The following TNRC18 variants were observed in gnomAD, a reference collection of about 807,000 sequenced individuals.
TNRC18 encodes trinucleotide repeat containing 18.
In TNRC18, 69 loss-of-function variants were observed where a neutral mutation model predicts 226.7. That is an observed-to-expected ratio of 0.30 (90% CI 0.25 to 0.37). The LOEUF is 0.37. Among genes scored for constraint, TNRC18 ranks in the 10% least tolerant of loss-of-function variants. TNRC18 has a pLI of 1.00. For missense variants in TNRC18, 4,754 were observed against 4,256.6 expected, an observed-to-expected ratio of 1.12 and a Z score of -3.25; for synonymous variants, 2,449 against 1,927.6, an observed-to-expected ratio of 1.27 and a Z score of -7.09.
At position 5,325,111 on chromosome 7, in the gene TNRC18, C is replaced by T. The variant is rs751511907; in HGVS notation, c.6285G>A (p.Lys2095=). The part of the protein sequence containing the change: ...AKRSKAKAKG[K]EVKKENRGKG... ...TGAGCCTCACCTCCTTCTTCACCTCCTTCCCTTTGGCCTTGGCTTTGCTCC... is the reference window on the plus strand; with the variant it reads ...TGAGCCTCACCTCCTTCTTCACCTCTTTCCCTTTGGCCTTGGCTTTGCTCC... Residue 2095 remains lysine (K), a synonymous_variant, in exon 20 of 30, where the codon AAG becomes AAA. Coordinates refer to ENST00000430969, the MANE Select transcript of TNRC18 (RefSeq NM_001080495.3). 9 of 1,550,320 alleles carry T rather than the reference C, an allele frequency of 5.8e-6. No homozygotes were observed. The highest frequency in any genetic ancestry group is 1.4e-5 in the African/African-American group (1 of 73,132).
intron 17 of TNRC18, among the ~76,000 whole-genome samples, chr7:5,350,114 G>T (rs1271069186): frequency 6.6e-6 from 1 of 152,146 alleles, no homozygotes; most frequent in African/African-American, 2.4e-5. Context: ...TCCAGCCCAT[G>T]GGGGAGATGG....
intron 18 of TNRC18, among the ~76,000 whole-genome samples, chr7:5,334,335 C>T (rs1292892321): frequency 6.6e-6 from 1 of 151,708 alleles, no homozygotes; most frequent in Non-Finnish European, 1.5e-5. Flanking sequence ...CTCGCTTTGT[C>T]GCCCAGGCTG....
rs1273948953 is a variant in TNRC18, at chr7:5,381,843, G to A, written c.2153-3819C>T. ...TAGCTGGGCACGGTGGCAGGTGCCT[G>A]TAATCCCAGCAACTCAGGAAGCTGA... On this transcript the variant is annotated intron_variant, in intron 5 of 29. Coordinates refer to ENST00000430969, the MANE Select transcript of TNRC18 (RefSeq NM_001080495.3). 2.6e-5 allele frequency among the ~76,000 whole-genome samples: 4 copies of A among 152,116 alleles called. No individual in the cohort carries two copies. The East Asian group carries it at 7.7e-4, about 29-fold the overall frequency.
chr7:5,336,439 G>A (rs548275693), intron 18 of TNRC18, among the ~76,000 whole-genome samples: 1 of 151,852 alleles, frequency 6.6e-6, no homozygotes, highest in Non-Finnish European at 1.5e-5. Context: ...AGAACCAAAT[G>A]AACCAATTGT....
chr7:5,393,453 C>G (rs748503279), intron 3 of TNRC18, among the ~76,000 whole-genome samples: 1 of 152,238 alleles, frequency 6.6e-6, no homozygotes, highest in Non-Finnish European at 1.5e-5. Context: ...CTGGGCTGAA[C>G]ACAGCAGCCG....
chr7:5,352,211 G>A (rs766779242), intron 16 of TNRC18, 117 bp from the exon 17 acceptor site: 15 of 1,095,018 alleles, frequency 1.4e-5, no homozygotes, highest in East Asian at 7.8e-5. Flanking sequence ...AAACAGGTCC[G>A]AATACCTAGT....
At chr7:5,403,990 A>G (rs914186208) in intron 2 of TNRC18, among the ~76,000 whole-genome samples, 6 of 152,194 alleles carry the variant, frequency 3.9e-5, no homozygotes, top group African/African-American at 1.4e-4. Flanking sequence ...AAACTCCCAT[A>G]GATCACAAGA....
chr7:5,403,847 C>G (rs1367142779), intron 2 of TNRC18, among the ~76,000 whole-genome samples: 1 of 151,794 alleles, frequency 6.6e-6, no homozygotes, highest in Non-Finnish European at 1.5e-5. Context: ...CAGAGCATCT[C>G]ATAGACTCAG....
At chr7:5,354,385 C>A (rs1792132035) in intron 16 of TNRC18, among the ~76,000 whole-genome samples, 1 of 152,066 alleles carries the variant, frequency 6.6e-6, no homozygotes, top group South Asian at 2.1e-4. Flanking sequence ...TCAGCTACCA[C>A]CCAAACTGCA....
intron 2 of TNRC18, among the ~76,000 whole-genome samples, chr7:5,418,286 A>G (rs1220723216): frequency 1.3e-5 from 2 of 152,190 alleles, no homozygotes; most frequent in Non-Finnish European, 1.5e-5. Flanking sequence ...AGGTAATAGG[A>G]AACTTAAAAA....
At position 5,389,279 on chromosome 7, in the gene TNRC18, G is replaced by A. The variant is rs1386707660; in HGVS notation, c.545C>T (p.Ser182Leu). 3.9e-6 allele frequency: 5 copies of A among 1,288,822 alleles called. No individual in the cohort carries two copies. Among genetic ancestry groups the A allele is most frequent in the Non-Finnish European group, 3.9e-6 (4 of 1,019,358 alleles). The allele number at this position is 1,288,822 out of a possible 1,614,324, so 79.8% of individuals were successfully genotyped here. A position where few individuals can be genotyped will look rare whatever the true frequency, so the allele number is the denominator to read the frequency against. Residue 182 changes from serine to leucine, a missense_variant, in exon 5 of 30, where the codon TCG becomes TTG. By Grantham distance (145) the Ser-to-Leu change is moderately radical. Transcript: ENST00000430969. ...APGSLHSHAP[S>L]ARTPGGGHSS... Reference sequence around the variant, plus strand: ...GTGGCCGCCGCCAGGGGTCCGGGCCGAGGGCGCGTGAGAGTGCAGGGAGCC... The same window carrying A: ...GTGGCCGCCGCCAGGGGTCCGGGCCAAGGGCGCGTGAGAGTGCAGGGAGCC...
chr7:5,354,911 G>A (rs1792188007), intron 16 of TNRC18, among the ~76,000 whole-genome samples: 1 of 152,180 alleles, frequency 6.6e-6, no homozygotes, highest in African/African-American at 2.4e-5. Flanking sequence ...ATGCTTTACG[G>A]TATCAATAAA....
chr7:5,362,192 C>T (rs539467717), intron 12 of TNRC18, among the ~76,000 whole-genome samples, 159 bp from the exon 13 acceptor site: 42 of 152,278 alleles, frequency 2.8e-4, no homozygotes, highest in African/African-American at 9.1e-4. Flanking sequence ...ATGGCCTCAT[C>T]GTATGCAAGG....
chr7:5,322,051 G>A lies in TNRC18; in HGVS notation c.6443-861C>T, dbSNP rs1471342529. ...TCCCAGCACTTTGGGAGGCTGAGGC[G>A]GGCAGATCACAAGGTCAGAAGATCA... On this transcript the variant is annotated intron_variant, in intron 21 of 29. Coordinates refer to ENST00000430969, the MANE Select transcript of TNRC18 (RefSeq NM_001080495.3). Among the ~76,000 whole-genome samples the A allele has an allele frequency of 8.6e-5, 13 of 151,810 alleles. 1 individual carries two copies. Among genetic ancestry groups the A allele is most frequent in the Admixed American group, 5.9e-4 (9 of 15,252 alleles).
At chr7:5,317,664 A>C (rs1787984660) in intron 24 of TNRC18, among the ~76,000 whole-genome samples, 1 of 151,584 alleles carries the variant, frequency 6.6e-6, no homozygotes, top group South Asian at 2.1e-4. Flanking sequence ...TTGATAAAAC[A>C]AAAAAAAATT....
In TNRC18 at chr7:5,312,882, G is replaced by A; in HGVS notation, c.8009C>T (p.Ser2670Phe). 1.3e-6 allele frequency: 2 copies of A among 1,524,738 alleles called. No individual in the cohort carries two copies. The highest frequency in any genetic ancestry group is 1.8e-6 in the Non-Finnish European group (2 of 1,135,722). The allele number at this position is 1,524,738 out of a possible 1,614,324, so 94.5% of individuals were successfully genotyped here. Residue 2670 changes from serine (S) to phenylalanine (F), a missense_variant, in exon 27 of 30, where the codon TCC becomes TTC. Ser to Phe is a radical substitution (Grantham distance 155, BLOSUM62 -2). Transcript: ENST00000430969. The surrounding 1 kb of genome is among the most constrained non-coding windows in gnomAD (Gnocchi z 6.3). ...SSSSSSSSSS[S>F]STTDEDSSCS... ...GGAAGAGTCCTCGTCTGTGGTGGAG[G>A]AAGAAGAGGAGGAAGAGGAGGAGGA...
At chr7:5,344,082 G>T (rs972378405) in intron 18 of TNRC18, among the ~76,000 whole-genome samples, 1 of 152,216 alleles carries the variant, frequency 6.6e-6, no homozygotes, top group African/African-American at 2.4e-5. Context: ...AGTCAACGCA[G>T]AATAAAGGAA....
In TNRC18 at chr7:5,309,425, G is replaced by A. The variant is rs1332939790; in HGVS notation, c.8389-57C>T. 30 of 1,473,214 alleles carry A rather than the reference G, an allele frequency of 2.0e-5. No homozygotes were observed. Among genetic ancestry groups the A allele is most frequent in the Admixed American group, 6.1e-5 (3 of 49,350 alleles). The allele number at this position is 1,473,214 out of a possible 1,614,324, so 91.3% of individuals were successfully genotyped here. ...CTGGCCCAGCCCCAAGGAGCCCGCC[G>A]CCTGGCAGGCTCTGCCGCTTGGGAC... On this transcript the variant is annotated intron_variant, in intron 27 of 29. Coordinates refer to ENST00000430969, the MANE Select transcript of TNRC18 (RefSeq NM_001080495.3). This position sits in a 1 kb window ranked among gnomAD's most constrained non-coding sequence, Gnocchi z 5.7.
At position 5,313,074 on chromosome 7, in the gene TNRC18, C is replaced by T; in HGVS notation, c.7817G>A (p.Ser2606Asn). 8.4e-7 allele frequency: 1 copy of T among 1,188,238 alleles called. No homozygotes were observed. Among genetic ancestry groups the T allele is most frequent in the Non-Finnish European group, 1.2e-6 (1 of 828,160 alleles). 73.6% of individuals were successfully genotyped at this position (1,188,238 alleles called of 1,614,324 possible). The part of the protein sequence containing the change: ...GTGGRNCSAA[S>N]SRAASPASSS... ...GGAGGCCGGTGAGGCCGCCCTGGAG[C>T]TGGCAGCGCTGCAGTTACGGCCCCC... is the stretch of plus-strand genomic sequence containing the variant. Residue 2606 changes from serine to asparagine, a missense_variant, in exon 27 of 30, where the codon AGC becomes AAC. Ser to Asn is a conservative substitution (Grantham distance 46). Transcript: ENST00000430969.
Sources: allele counts gnomAD v4.1 joint callset (sites outside exome capture counted in the v4.1 genomes callset), GRCh38; gene constraint gnomAD v4.1.1; non-coding constraint Gnocchi (gnomAD v3.1); transcripts MANE v1.5; gene names NCBI Gene and HGNC (gene_info 2026-07-23, HGNC 2026-07-21).